The following NUMB variants were observed in gnomAD, a reference collection of about 807,000 sequenced individuals.
NUMB encodes NUMB endocytic adaptor protein, also known as protein numb homolog.
In NUMB, 29 loss-of-function variants were observed where a neutral mutation model predicts 59.7. The observed-to-expected ratio is 0.49, with a 90% CI of 0.36 to 0.66. NUMB has a LOEUF of 0.66. Among genes scored for constraint, NUMB ranks in the 30% least tolerant of loss-of-function variants. NUMB has a pLI of 0.00. For missense variants in NUMB, 723 were observed against 822.0 expected (o/e 0.88, Z 1.47); for synonymous variants, 288 against 288.2 (o/e 1.00, Z 0.01).
intron 1 of NUMB, among the ~76,000 whole-genome samples, chr14:73,417,647 G>C (rs971778044): frequency 6.6e-6 from 1 of 151,622 alleles, no homozygotes; most frequent in East Asian, 1.9e-4. Context: ...ATTAAACATA[G>C]AATCACTATA....
intron 3 of NUMB, among the ~76,000 whole-genome samples, chr14:73,361,949 T>C (rs1894115106): frequency 6.6e-6 from 1 of 152,076 alleles, no homozygotes. Context: ...CACTATTTTA[T>C]GTTCCACTGA....
chr14:73,432,237 A>C (rs1317601160), intron 1 of NUMB, among the ~76,000 whole-genome samples: 2 of 152,252 alleles, frequency 1.3e-5, no homozygotes, highest in Middle Eastern at 3.4e-3. Flanking sequence ...TTACAGAGTA[A>C]CAAAGTTTGG....
At chr14:73,277,762 T>TAAAA (rs35278332) in intron 12 of NUMB, among the ~76,000 whole-genome samples, 3 of 144,016 alleles carry the variant, frequency 2.1e-5, no homozygotes, top group African/African-American at 7.6e-5. Flanking sequence ...AATTCTGTCT[T>TAAAA]AAAAAAAAAA....
intron 1 of NUMB, among the ~76,000 whole-genome samples, chr14:73,446,662 A>C (rs1404689740): frequency 1.3e-5 from 2 of 152,036 alleles, no homozygotes; most frequent in East Asian, 3.9e-4. Context: ...GGTTTCTAAA[A>C]CTAGTCTAGA....
intron 3 of NUMB, among the ~76,000 whole-genome samples, chr14:73,360,493 G>A (rs1363226505): frequency 1.3e-5 from 2 of 150,866 alleles, no homozygotes. Context: ...GGGAGGCAGA[G>A]GTTGTAGTGA....
At chr14:73,352,355 G>GT (rs1413366475) in intron 4 of NUMB, among the ~76,000 whole-genome samples, 1 of 148,774 alleles carries the variant, frequency 6.7e-6, no homozygotes, top group Non-Finnish European at 1.5e-5. Context: ...CTAGGATCAA[G>GT]TTTTTTTCTT....
chr14:73,309,426 A>G (rs1890645252), intron 6 of NUMB, among the ~76,000 whole-genome samples: 1 of 152,186 alleles, frequency 6.6e-6, no homozygotes, highest in Non-Finnish European at 1.5e-5. Context: ...TTGTAGGGAC[A>G]TGGATGAAGC....
intron 5 of NUMB, among the ~76,000 whole-genome samples, chr14:73,317,494 GT>G (rs2139906800): frequency 6.6e-6 from 1 of 152,242 alleles, no homozygotes. Context: ...TAGAGACAGG[GT>G]TTCACCGTGT....
intron 4 of NUMB, 62 bp from the exon 5 acceptor site, chr14:73,323,266 A>T (rs1303095479): frequency 8.8e-7 from 1 of 1,132,474 alleles, no homozygotes; most frequent in Non-Finnish European, 1.3e-6. Flanking sequence ...CTATACAGTA[A>T]GCATTAGGTG....
Position 73,292,825 on chromosome 14 carries a change from T to C in NUMB, c.359A>G (p.Asp120Gly), listed in dbSNP as rs778303007. The C allele has an allele frequency of 1.9e-6, 3 of 1,614,120 alleles. No individual in the cohort carries two copies. Among genetic ancestry groups the C allele is most frequent in the Non-Finnish European group, 2.5e-6 (3 of 1,180,050 alleles). ...TIEKVSFCAP[D>G]RNFDRAFSYI... The stretch of plus-strand genomic sequence containing the variant: ...AGAAAAGGCTCTATCAAAGTTCCTG[T>C]CTGGGGCACAGAAAGAAACTTTCTC... Residue 120 changes from aspartate to glycine, a missense_variant, in exon 8 of 13, where the codon GAC (aspartate) becomes GGC (glycine). This residue lies in a region of NUMB where 317 missense variants were observed against 436.6 expected (regional missense o/e 0.73). Coordinates refer to ENST00000555238, the MANE Select transcript of NUMB (RefSeq NM_001005743.2).
In NUMB at chr14:73,311,535, T is replaced by C. The variant is rs190193996; in HGVS notation, c.234+4855A>G. On this transcript the variant is annotated intron_variant, in intron 6 of 12. Transcript: ENST00000555238. Reference sequence around the variant, plus strand: ...CTCCTGTCAGCTGGTGATGCAACAATAGGGAAGTGATGGTGGTCAGGTCCA... The same window carrying C: ...CTCCTGTCAGCTGGTGATGCAACAACAGGGAAGTGATGGTGGTCAGGTCCA... 1.9e-3 allele frequency among the ~76,000 whole-genome samples: 293 copies of C among 152,252 alleles called. 4 individuals carry two copies. Among genetic ancestry groups the C allele is most frequent in the Non-Finnish European group, 5.3e-4 (36 of 68,000 alleles).
At chr14:73,439,819 CAT>C (rs1220507056) in intron 1 of NUMB, among the ~76,000 whole-genome samples, 1 of 152,094 alleles carries the variant, frequency 6.6e-6, no homozygotes, top group Non-Finnish European at 1.5e-5. Flanking sequence ...CTTTAAGTCA[CAT>C]GTTTAAGGAC....
chr14:73,423,012 G>A (rs1353853783), intron 1 of NUMB, among the ~76,000 whole-genome samples: 1 of 151,682 alleles, frequency 6.6e-6, no homozygotes, highest in Non-Finnish European at 1.5e-5. Flanking sequence ...TAAGACAGAT[G>A]TCATTATTCT....
At chr14:73,353,307 G>C (rs1012280571) in intron 4 of NUMB, among the ~76,000 whole-genome samples, 3 of 148,382 alleles carry the variant, frequency 2.0e-5, no homozygotes. Context: ...GGGTGGTCTT[G>C]AACTCCCGAC....
chr14:73,379,802 C>G (rs1377771761), intron 2 of NUMB, among the ~76,000 whole-genome samples: 1 of 152,052 alleles, frequency 6.6e-6, no homozygotes, highest in Non-Finnish European at 1.5e-5. Flanking sequence ...GTACAATATA[C>G]TAAGTGAAGG....
intron 3 of NUMB, among the ~76,000 whole-genome samples, chr14:73,356,328 GAATAA>G (rs1893778137): frequency 6.6e-6 from 1 of 152,168 alleles, no homozygotes; most frequent in African/African-American, 2.4e-5. Flanking sequence ...ATGTCATGAA[GAATAA>G]AATAAAGTTT....
intron 12 of NUMB, among the ~76,000 whole-genome samples, chr14:73,278,803 C>T (rs996934365): frequency 3.5e-5 from 5 of 144,680 alleles, no homozygotes; most frequent in East Asian, 2.3e-4. Context: ...TCTTGGCTCA[C>T]GGCAAACTCT....
Position 73,386,867 on chromosome 14 carries a change from A to ATTTTTTTTTT in NUMB, c.-100-19896_-100-19887dup, listed in dbSNP as rs71112745. ...TACAAGACAATCTATCAGGTGTCTT[A>ATTTTTTTTTT]TTTTTTTTTTTTTTTTTTTTTTTTT... On this transcript the variant is annotated intron_variant, in intron 2 of 12. Transcript: ENST00000555238. 1.7e-3 allele frequency among the ~76,000 whole-genome samples: 137 copies of ATTTTTTTTTT among 79,820 alleles called. 19 individuals carry two copies. Among genetic ancestry groups the ATTTTTTTTTT allele is most frequent in the East Asian group, 2.2e-3 (4 of 1,848 alleles). 52.4% of individuals were successfully genotyped at this position (79,820 alleles called of 152,430 possible).
chr14:73,333,532 T>A (rs1050182883), intron 4 of NUMB, among the ~76,000 whole-genome samples: 4 of 152,098 alleles, frequency 2.6e-5, no homozygotes, highest in African/African-American at 7.2e-5. Flanking sequence ...GTGCCTGGCC[T>A]TCTTTGGAGA....
Sources: gnomAD v4.1 joint callset for allele counts (sites outside exome capture counted in the v4.1 genomes callset) on GRCh38, gnomAD v4.1.1 for gene constraint, gnomAD v4.1.1 regional missense constraint, MANE v1.5 for transcripts, NCBI Gene and HGNC (gene_info 2026-07-23, HGNC 2026-07-21) for gene names.